Variants in CADM2 observed in about 807,000 individuals in gnomAD.
CADM2 encodes cell adhesion molecule 2.
A neutral mutation model predicts 49.8 loss-of-function variants in CADM2; 12 were observed. The ratio of observed to expected loss-of-function variants is 0.24; its 90% CI spans 0.15 to 0.39. CADM2 has a LOEUF of 0.39. CADM2 is among the 10% of genes least tolerant of loss of function. The pLI is 1.00. For synonymous variants in CADM2, 214 were observed against 175.4 expected (o/e 1.22, Z -1.74); for missense variants, 378 against 492.3 (o/e 0.77, Z 2.20).
At chr3:85,300,814 A>G (rs1221552174) in intron 1 of CADM2, among the ~76,000 whole-genome samples, 1 of 152,114 alleles carries the variant, frequency 6.6e-6, no homozygotes, top group Non-Finnish European at 1.5e-5. Flanking sequence ...TGGGGGTCAA[A>G]GTGGGAGGGA....
At chr3:85,902,740 T>C (rs1202279720) in intron 5 of CADM2, among the ~76,000 whole-genome samples, 1 of 151,612 alleles carries the variant, frequency 6.6e-6, no homozygotes, top group African/African-American at 2.4e-5. Context: ...TAGTAGATGC[T>C]CTCAGGCATA....
At chr3:85,423,992 C>T (rs757984165) in intron 1 of CADM2, among the ~76,000 whole-genome samples, 10 of 152,068 alleles carry the variant, frequency 6.6e-5, no homozygotes, top group Non-Finnish European at 1.0e-4. Flanking sequence ...CTTTGGCATC[C>T]GATTCCTGAT....
At chr3:85,916,953 G>T (rs1031997000) in intron 6 of CADM2, among the ~76,000 whole-genome samples, 2 of 151,886 alleles carry the variant, frequency 1.3e-5, no homozygotes, top group Non-Finnish European at 2.9e-5. Flanking sequence ...TGTGTTTTTT[G>T]GCTGCATAAA....
intron 1 of CADM2, among the ~76,000 whole-genome samples, chr3:85,147,103 T>C (rs924129324): frequency 6.6e-6 from 1 of 151,478 alleles, no homozygotes; most frequent in African/African-American, 2.4e-5. Context: ...TGAAACCTCG[T>C]CTCTACTAAA....
chr3:85,294,452 A>G (rs1028309308), intron 1 of CADM2, among the ~76,000 whole-genome samples: 1 of 151,920 alleles, frequency 6.6e-6, no homozygotes, highest in African/African-American at 2.4e-5. Flanking sequence ...TAAAGTTCAT[A>G]TGGAACCAAA....
At chr3:85,940,051 G>T (rs1483915946) in intron 7 of CADM2, among the ~76,000 whole-genome samples, 1 of 149,042 alleles carries the variant, frequency 6.7e-6, no homozygotes, top group African/African-American at 2.5e-5. Flanking sequence ...AAGCCTGGGT[G>T]CTCACACCTG....
chr3:85,872,606 C>T (rs1318291448), intron 3 of CADM2, among the ~76,000 whole-genome samples: 3 of 151,118 alleles, frequency 2.0e-5, no homozygotes, highest in Non-Finnish European at 4.4e-5. Context: ...GGCTTTTTGT[C>T]CTATTCCATC....
chr3:85,849,472 CA>C (rs546721487), intron 3 of CADM2, among the ~76,000 whole-genome samples: 41 of 152,248 alleles, frequency 2.7e-4, no homozygotes, highest in African/African-American at 9.9e-4. Context: ...TCTGGAATTT[CA>C]AAATAACCTT....
At chr3:85,652,796 T>TTTTTTTTTTTTTTTG (rs869310296) in intron 1 of CADM2, among the ~76,000 whole-genome samples, 4 of 143,426 alleles carry the variant, frequency 2.8e-5, no homozygotes, top group Non-Finnish European at 6.1e-5. Context: ...TTTTTTTTTT[T>TTTTTTTTTTTTTTTG]AGACAGAGTC....
At chr3:85,366,066 A>T (rs932148874) in intron 1 of CADM2, among the ~76,000 whole-genome samples, 1 of 152,198 alleles carries the variant, frequency 6.6e-6, no homozygotes, top group Non-Finnish European at 1.5e-5. Context: ...AGTACAAGTA[A>T]ATACTTAATG....
rs528818830 is a variant in CADM2 at position 85,464,132 on chromosome 3, A to C, written c.62-262390A>C. On this transcript the variant is annotated intron_variant, in intron 1 of 9. Transcript: ENST00000383699. Reference sequence around the variant, plus strand: ...CTGAAAATAATTTTGGTGAATAATGAGACCTAGTTACTTAAGCTTTATATA... The same window carrying C: ...CTGAAAATAATTTTGGTGAATAATGCGACCTAGTTACTTAAGCTTTATATA... Among the ~76,000 whole-genome samples the C allele has an allele frequency of 1.6e-4, 24 of 152,244 alleles. 1 individual carries two copies. In the South Asian group the frequency reaches 3.7e-3, roughly 24 times the overall value.
At chr3:85,852,088 T>A (rs749546599) in intron 3 of CADM2, among the ~76,000 whole-genome samples, 1 of 152,106 alleles carries the variant, frequency 6.6e-6, no homozygotes, top group African/African-American at 2.4e-5. Flanking sequence ...GTTCTTTCCA[T>A]CCACATATAA....
At chr3:85,614,469 A>G (rs1049518263) in intron 1 of CADM2, among the ~76,000 whole-genome samples, 5 of 151,874 alleles carry the variant, frequency 3.3e-5, no homozygotes, top group African/African-American at 1.2e-4. Context: ...ATGGGTTTAA[A>G]AAGAATTTAG....
intron 1 of CADM2, among the ~76,000 whole-genome samples, chr3:85,476,016 G>C (rs541197454): frequency 1.7e-4 from 26 of 151,838 alleles, no homozygotes; most frequent in South Asian, 8.3e-4. Flanking sequence ...ATCTAAATAA[G>C]ACAAACTAAT....
intron 1 of CADM2, among the ~76,000 whole-genome samples, chr3:85,682,718 G>A (rs768366003): frequency 2.0e-5 from 3 of 152,004 alleles, no homozygotes; most frequent in African/African-American, 4.8e-5. Flanking sequence ...TGATTCCAAA[G>A]CTTTCTTTTC....
intron 1 of CADM2, among the ~76,000 whole-genome samples, chr3:85,575,017 C>T (rs914717075): frequency 1.3e-5 from 2 of 151,986 alleles, no homozygotes; most frequent in Admixed American, 6.6e-5. Context: ...TTTAAAATTG[C>T]CCTCTTTAAA....
chr3:85,457,423 A>T (rs1482715703), intron 1 of CADM2, among the ~76,000 whole-genome samples: 4 of 152,108 alleles, frequency 2.6e-5, no homozygotes, highest in African/African-American at 9.7e-5. Flanking sequence ...AAGGAAAAAA[A>T]AAAAATTAAA....
intron 1 of CADM2, among the ~76,000 whole-genome samples, chr3:85,622,992 T>C (rs993096339): frequency 1.3e-5 from 2 of 152,014 alleles, no homozygotes; most frequent in South Asian, 2.1e-4. Flanking sequence ...GTATCAGAAG[T>C]GGGAGAGGCC....
At chr3:85,908,240 CT>C (rs1210705806) in intron 5 of CADM2, among the ~76,000 whole-genome samples, 176 of 114,566 alleles carry the variant, frequency 1.5e-3, no homozygotes, top group African/African-American at 5.1e-3. Context: ...GATATCTTGG[CT>C]TTTTTTTTTC....
Sources: gnomAD v4.1 joint callset for allele counts (sites outside exome capture counted in the v4.1 genomes callset) on GRCh38, gnomAD v4.1.1 for gene constraint, MANE v1.5 for transcripts, NCBI Gene and HGNC (gene_info 2026-07-23, HGNC 2026-07-21) for gene names.